The following FLT3LG variants were observed in gnomAD, a reference collection of about 807,000 sequenced individuals.
The protein encoded by FLT3LG is fms related receptor tyrosine kinase 3 ligand.
FLT3LG carries 8 observed loss-of-function variants against 30.9 expected under a neutral mutation model. The ratio of observed to expected loss-of-function variants is 0.26; its 90% confidence interval spans 0.15 to 0.47. The LOEUF is 0.47. FLT3LG is among the 20% of genes least tolerant of loss of function. FLT3LG has a pLI of 0.99. For synonymous variants in FLT3LG, 123 were observed against 135.9 expected (o/e 0.91, Z 0.66); for missense variants, 278 against 306.2 (o/e 0.91, Z 0.69).
At chr19:49,475,916 G>C in intron 3 of FLT3LG, 115 bp downstream of exon 3, 1 of 1,099,448 alleles carries the variant, frequency 9.1e-7, no homozygotes, top group South Asian at 1.3e-5. Context: ...GAACTCCTGG[G>C]CTCAAGCGAT....
rs1470448364 is a variant in FLT3LG at position 49,486,187 on chromosome 19, G to A, written c.*194G>A. 1 of 152,680 alleles carries A rather than the reference G, an allele frequency of 6.5e-6. No homozygotes were observed. The highest frequency in any genetic ancestry group is 6.5e-5 in the Admixed American group (1 of 15,276). The allele number at this position is 152,680 out of a possible 1,614,324, so 9.5% of individuals were successfully genotyped here. On this transcript the variant is annotated 3_prime_UTR_variant, in exon 9 of 9. Transcript: ENST00000597551. Reference sequence around the variant, plus strand: ...CCCCATTTACCCAACTCTGTACAAAGCCCTTGTCCCCATGAAATTGTATAT... The same window carrying A: ...CCCCATTTACCCAACTCTGTACAAAACCCTTGTCCCCATGAAATTGTATAT...
At chr19:49,482,228 T>C (rs4352151) in intron 8 of FLT3LG, 33,448 of 150,714 alleles carry the variant, frequency 0.22, 6,468 homozygotes, top group African/African-American at 0.53. Context: ...CAGGTTCAAG[T>C]GATTCTCCTG....
At chr19:49,480,162 T>C in intron 6 of FLT3LG, 136 bp from the exon 7 acceptor site, 1 of 637,662 alleles carries the variant, frequency 1.6e-6, no homozygotes, top group Admixed American at 2.9e-5. Context: ...TATCCTAGTT[T>C]TACAGATGAG....
chr19:49,477,549 G>C (rs2079437471), intron 5 of FLT3LG, among the ~76,000 whole-genome samples: 1 of 150,688 alleles, frequency 6.6e-6, no homozygotes. Context: ...GACCAGCCTC[G>C]GCAACGTGAT....
Position 49,480,365 on chromosome 19 carries a change from G to A in FLT3LG, c.549G>A (p.Gln183=). 1 of 1,610,324 alleles carries A rather than the reference G, an allele frequency of 6.2e-7. No individual in the cohort carries two copies. Among genetic ancestry groups the A allele is most frequent in the South Asian group, 1.1e-5 (1 of 90,820 alleles). ...PLEATAPTAP[Q]PPLLLLLLLP... is the part of the protein sequence containing the mutation. Reference sequence around the variant, plus strand: ...AGGCCACAGCCCCGACAGCCCCGCAGCCCCCTCTGCTCCTCCTACTGCTGC... The same window carrying A: ...AGGCCACAGCCCCGACAGCCCCGCAACCCCCTCTGCTCCTCCTACTGCTGC... The change falls in exon 7 of 9, where the codon CAG becomes CAA. Residue 183 remains glutamine, a synonymous_variant. Transcript: ENST00000597551.
intron 3 of FLT3LG, 40 bp downstream of exon 3, chr19:49,475,841 T>G: frequency 6.5e-6 from 9 of 1,381,042 alleles, no homozygotes; most frequent in African/African-American, 1.7e-5. Context: ...GTGATCCCCC[T>G]TCCCCCCACT....
intron 2 of FLT3LG, among the ~76,000 whole-genome samples, chr19:49,474,898 GAGAT>G (rs771719447): frequency 4.7e-5 from 6 of 127,588 alleles, no homozygotes; most frequent in Non-Finnish European, 4.8e-5. Flanking sequence ...AGAGGAGAGG[GAGAT>G]AGAGAGGAGT....
intron 1 of FLT3LG, 157 bp downstream of exon 1, chr19:49,474,438 G>A (rs892531290): frequency 3.9e-5 from 24 of 620,260 alleles, no homozygotes; most frequent in Middle Eastern, 4.3e-4. Flanking sequence ...AAGTGGAGAT[G>A]AAGAGTTTTC....
Position 49,480,598 on chromosome 19 carries a change from G to A in FLT3LG, c.707G>A (p.Ter236=). ...SPQDLLLVEH[*] is the part of the protein sequence containing the mutation. Reference sequence around the variant, plus strand: ...CAGGACCTGCTGCTTGTGGAGCACTGACCTGGCCAAGGCCTCATCCTGGTG... The same window carrying A: ...CAGGACCTGCTGCTTGTGGAGCACTAACCTGGCCAAGGCCTCATCCTGGTG... The change falls in exon 8 of 9, where the codon TGA becomes TAA. Residue 236 remains the stop codon, a stop_retained_variant. Transcript: ENST00000597551. 1 of 1,612,646 alleles carries A rather than the reference G, an allele frequency of 6.2e-7. No individual in the cohort carries two copies. Among genetic ancestry groups the A allele is most frequent in the Non-Finnish European group, 8.5e-7 (1 of 1,179,480 alleles).
In FLT3LG at chr19:49,476,479, G is replaced by A; in HGVS notation, c.255G>A (p.Arg85=). Residue 85 remains arginine (R), a synonymous_variant, in exon 5 of 9, where the codon CGG becomes CGA. Transcript: ENST00000597551. The surrounding 1 kb of genome is among the most constrained non-coding windows in gnomAD (Gnocchi z 5.3). ...RLVLAQRWME[R]LKTVAGSKMQ... ...TCCTGGCACAGCGCTGGATGGAGCG[G>A]CTCAAGACTGTCGCTGGGTCCAAGA... The A allele has an allele frequency of 6.2e-7, 1 of 1,614,110 alleles. No individual in the cohort carries two copies. The highest frequency in any genetic ancestry group is 8.5e-7 in the Non-Finnish European group (1 of 1,180,026).
intron 8 of FLT3LG, chr19:49,481,537 G>C (rs2079610393): frequency 6.5e-6 from 1 of 153,194 alleles, no homozygotes; most frequent in African/African-American, 2.4e-5. Context: ...GCTGGGAACA[G>C]GTGTGGAGGG....
intron 1 of FLT3LG, 61 bp from the exon 2 acceptor site, chr19:49,474,542 G>C (rs372444883): frequency 1.6e-6 from 2 of 1,275,598 alleles, no homozygotes; most frequent in Non-Finnish European, 2.2e-6. Context: ...GAGGCAAAGG[G>C]GCGGGCAGGG....
intron 5 of FLT3LG, among the ~76,000 whole-genome samples, chr19:49,478,202 C>T (rs563620139): frequency 3.3e-5 from 5 of 149,546 alleles, no homozygotes; most frequent in Admixed American, 2.0e-4. Context: ...GGCACGGTGG[C>T]TCACGCCTGT....
chr19:49,480,092 C>A (rs2079549635), intron 6 of FLT3LG, among the ~76,000 whole-genome samples: 1 of 152,226 alleles, frequency 6.6e-6, no homozygotes, highest in Non-Finnish European at 1.5e-5. Flanking sequence ...GCGTGAGCCA[C>A]CGCGCTCAGC....
At chr19:49,480,670 G>A in intron 8 of FLT3LG, 50 bp downstream of exon 8, 1 of 1,548,118 alleles carries the variant, frequency 6.5e-7, no homozygotes, top group Non-Finnish European at 8.8e-7. Flanking sequence ...TGCAGGTTGG[G>A]AGGGTCACTA....
chr19:49,478,864 G>A (rs1458235387), intron 5 of FLT3LG, 45 bp from the exon 6 acceptor site: 2 of 1,464,710 alleles, frequency 1.4e-6, no homozygotes, highest in South Asian at 1.4e-5. Context: ...CGGAGGGGCG[G>A]TGGGGGGATG....
At chr19:49,475,844 C>T (rs1348489591) in intron 3 of FLT3LG, 43 bp downstream of exon 3, 16 of 1,561,216 alleles carry the variant, frequency 1.0e-5, no homozygotes, top group Non-Finnish European at 1.4e-5. Flanking sequence ...ATCCCCCTTC[C>T]CCCCACTTTT....
chr19:49,484,031 C>A (rs1047743838), intron 8 of FLT3LG, among the ~76,000 whole-genome samples: 1 of 150,906 alleles, frequency 6.6e-6, no homozygotes, highest in African/African-American at 2.4e-5. Context: ...ACTACAGGCG[C>A]GTGCCACCAC....
In FLT3LG at chr19:49,474,665, G is replaced by A. The variant is rs1206127225; in HGVS notation, c.26G>A (p.Ser9Asn). The A allele has an allele frequency of 1.2e-6, 2 of 1,612,322 alleles. No individual in the cohort carries two copies. The highest frequency in any genetic ancestry group is 1.7e-6 in the Non-Finnish European group (2 of 1,179,632). The stretch of plus-strand genomic sequence containing the variant: ...ATGACAGTGCTGGCGCCAGCCTGGA[G>A]CCCAACAGTGCGTAAACCCCAGGGA... MTVLAPAW[S>N]PTTYLLLLLL... Residue 9 changes from serine to asparagine, a missense_variant, in exon 2 of 9, where the codon AGC becomes AAC. This residue lies in a region of FLT3LG where 40 missense variants were observed against 34.3 expected (regional missense o/e 1.17). Coordinates refer to ENST00000597551, the MANE Select transcript of FLT3LG (RefSeq NM_001459.4).
Sources: allele counts gnomAD v4.1 joint callset (sites outside exome capture counted in the v4.1 genomes callset), GRCh38; gene constraint gnomAD v4.1.1; regional missense constraint gnomAD v4.1.1; non-coding constraint Gnocchi (gnomAD v3.1); transcripts MANE v1.5; gene names NCBI Gene and HGNC (gene_info 2026-07-23, HGNC 2026-07-21).